The following DOCK3 variants were observed in gnomAD, a reference collection of about 807,000 sequenced individuals.
The protein encoded by DOCK3 is dedicator of cytokinesis 3.
DOCK3 carries 60 observed loss-of-function variants against 265.6 expected under a neutral mutation model. The observed-to-expected ratio is 0.23, with a 90% CI of 0.18 to 0.28. The LOEUF (loss-of-function observed/expected upper bound fraction) is 0.28, where lower values mean the gene tolerates loss of function less well. Among genes scored for constraint, DOCK3 ranks in the 10% least tolerant of loss-of-function variants. The probability of loss-of-function intolerance (pLI) is 1.00; values close to 1 mark genes in which losing one functional copy is unlikely to be tolerated. For synonymous variants in DOCK3, 881 were observed against 938.0 expected (o/e 0.94, Z 1.11); for missense variants, 1,981 against 2,594.3 (o/e 0.76, Z 5.14).
intron 12 of DOCK3, among the ~76,000 whole-genome samples, chr3:51,170,441 T>G (rs527755574): frequency 6.6e-6 from 1 of 152,272 alleles, no homozygotes; most frequent in East Asian, 1.9e-4. Flanking sequence ...ATTGATTTTT[T>G]TTTATTCTTT....
intron 5 of DOCK3, among the ~76,000 whole-genome samples, chr3:51,062,300 G>C (rs1269588145): frequency 6.6e-6 from 1 of 152,162 alleles, no homozygotes; most frequent in Non-Finnish European, 1.5e-5. Flanking sequence ...CCTGCTGCCT[G>C]TCTGCATCAT....
intron 36 of DOCK3, 78 bp downstream of exon 36, chr3:51,338,497 C>A: frequency 6.7e-7 from 1 of 1,494,698 alleles, no homozygotes; most frequent in Non-Finnish European, 9.1e-7. Context: ...CTTGGCCCTT[C>A]TACAATACAT....
At chr3:51,202,695 G>T in intron 12 of DOCK3, among the ~76,000 whole-genome samples, 1 of 152,086 alleles carries the variant, frequency 6.6e-6, no homozygotes, top group Non-Finnish European at 1.5e-5. Flanking sequence ...GGATACCAAA[G>T]CCTGGCAGAG....
At chr3:50,888,747 A>G (rs1553694635) in intron 3 of DOCK3, among the ~76,000 whole-genome samples, 1 of 152,286 alleles carries the variant, frequency 6.6e-6, no homozygotes, top group East Asian at 1.9e-4. Flanking sequence ...CCTGAGAAAA[A>G]CAAGCAATGG....
intron 12 of DOCK3, among the ~76,000 whole-genome samples, chr3:51,170,717 G>A (rs1466351542): frequency 6.6e-6 from 1 of 152,082 alleles, no homozygotes; most frequent in Non-Finnish European, 1.5e-5. Context: ...GGCGAAGGCG[G>A]GCGGATCATG....
At chr3:51,068,557 A>AGAAGAAG (rs1241199745) in intron 6 of DOCK3, among the ~76,000 whole-genome samples, 1 of 21,460 alleles carries the variant, frequency 4.7e-5, no homozygotes, top group Non-Finnish European at 1.4e-4. Context: ...AAAAAAAAAA[A>AGAAGAAG]AAAAAGAAGA....
At chr3:51,064,366 A>T (rs756217582) in intron 5 of DOCK3, 82 bp from the exon 6 acceptor site, 273 of 1,540,292 alleles carry the variant, frequency 1.8e-4, no homozygotes, top group Non-Finnish European at 2.2e-4. Flanking sequence ...AGCACTTTTC[A>T]TAGTTTAACT....
intron 10 of DOCK3, among the ~76,000 whole-genome samples, chr3:51,153,947 C>T (rs1048117188): frequency 6.6e-5 from 10 of 152,214 alleles, no homozygotes; most frequent in Admixed American, 5.9e-4. Flanking sequence ...TGATCTGTTT[C>T]AGTGATCCTG....
chr3:50,969,291 C>A (rs934661643), intron 5 of DOCK3, among the ~76,000 whole-genome samples: 2 of 152,058 alleles, frequency 1.3e-5, no homozygotes, highest in African/African-American at 4.8e-5. Context: ...ATAAATATAG[C>A]CACTTCTGCT....
At chr3:51,253,111 T>C (rs1258789902) in intron 22 of DOCK3, among the ~76,000 whole-genome samples, 4 of 152,240 alleles carry the variant, frequency 2.6e-5, no homozygotes, top group Non-Finnish European at 4.4e-5. Context: ...TCTGCATCTA[T>C]TGAGATAATC....
chr3:50,776,833 G>C (rs1477813017), intron 1 of DOCK3, among the ~76,000 whole-genome samples: 1 of 151,950 alleles, frequency 6.6e-6, no homozygotes, highest in East Asian at 1.9e-4. Context: ...TAAGGTGTCT[G>C]TATTAATCCA....
At chr3:50,822,955 C>T (rs2044532989) in intron 2 of DOCK3, among the ~76,000 whole-genome samples, 1 of 152,156 alleles carries the variant, frequency 6.6e-6, no homozygotes, top group Non-Finnish European at 1.5e-5. Flanking sequence ...ATAAAGACTT[C>T]ATTTCTGTTA....
chr3:50,952,589 A>G (rs999913659), intron 5 of DOCK3, among the ~76,000 whole-genome samples: 8 of 152,170 alleles, frequency 5.3e-5, no homozygotes, highest in African/African-American at 1.9e-4. Context: ...AGTGCCTCCT[A>G]GAATGGCCAG....
intron 49 of DOCK3, among the ~76,000 whole-genome samples, chr3:51,371,086 G>A (rs1249524524): frequency 4.6e-5 from 7 of 152,154 alleles, no homozygotes; most frequent in South Asian, 2.1e-4. Context: ...AAGTCCCCAC[G>A]TTTCTAGTCT....
At chr3:51,351,592 G>A (rs1157451277) in intron 40 of DOCK3, among the ~76,000 whole-genome samples, 4 of 151,650 alleles carry the variant, frequency 2.6e-5, no homozygotes, top group Non-Finnish European at 4.4e-5. Flanking sequence ...TCCCCAGGAA[G>A]GCTCTAACTC....
chr3:50,970,939 A>G (rs1559878716), intron 5 of DOCK3, among the ~76,000 whole-genome samples: 57 of 72,240 alleles, frequency 7.9e-4, no homozygotes, highest in African/African-American at 3.4e-3. Context: ...ATATATATAT[A>G]TATATATAAT....
intron 1 of DOCK3, among the ~76,000 whole-genome samples, chr3:50,692,545 G>A (rs970764001): frequency 1.3e-5 from 2 of 152,186 alleles, no homozygotes; most frequent in African/African-American, 4.8e-5. Context: ...GTGCTTTTGC[G>A]GCTTGGTTCT....
At chr3:50,753,119 T>C (rs2039940982) in intron 1 of DOCK3, among the ~76,000 whole-genome samples, 1 of 152,192 alleles carries the variant, frequency 6.6e-6, no homozygotes, top group Non-Finnish European at 1.5e-5. Flanking sequence ...CAAAATATAA[T>C]AATTGAATAT....
chr3:51,380,955 A>G, intron 52 of DOCK3, 95 bp from the exon 53 acceptor site: 1 of 1,440,030 alleles, frequency 6.9e-7, no homozygotes, highest in African/African-American at 1.4e-5. Flanking sequence ...TGAGGGTTAA[A>G]GTTCATTCAT....
Sources: gnomAD v4.1 joint callset for allele counts (sites outside exome capture counted in the v4.1 genomes callset) on GRCh38, gnomAD v4.1.1 for gene constraint, MANE v1.5 for transcripts, NCBI Gene and HGNC (gene_info 2026-07-23, HGNC 2026-07-21) for gene names.